CDKL5: variants seen among roughly 807,000 people sequenced by gnomAD.
The protein encoded by CDKL5 is cyclin dependent kinase like 5.
CDKL5 carries 8 observed loss-of-function variants against 61.7 expected under a neutral mutation model. The observed-to-expected ratio is 0.13, with a 90% CI of 0.08 to 0.23. The LOEUF (loss-of-function observed/expected upper bound fraction) is 0.23. CDKL5 is among the 10% of genes least tolerant of loss of function. The pLI is 1.00. For synonymous variants in CDKL5, 275 were observed against 272.3 expected (o/e 1.01, Z -0.10); for missense variants, 440 against 734.5 (o/e 0.60, Z 4.63).
intron 1 of CDKL5, among the ~76,000 whole-genome samples, chrX:18,430,388 G>GT (rs1219116518): frequency 1.8e-5 from 2 of 112,091 alleles, no homozygotes; most frequent in Non-Finnish European, 3.8e-5. Context: ...CACCTCTTGT[G>GT]TAATTATGAC....
chrX:18,450,737 G>A (rs761419558), intron 1 of CDKL5, among the ~76,000 whole-genome samples: 47 of 111,132 alleles, frequency 4.2e-4, no homozygotes, highest in African/African-American at 1.5e-3. Flanking sequence ...ACCACGCCCG[G>A]TGTTTTCTTG....
intron 1 of CDKL5, among the ~76,000 whole-genome samples, chrX:18,483,815 TTA>T (rs1921683147): frequency 8.9e-6 from 1 of 112,093 alleles, no homozygotes; most frequent in Admixed American, 9.5e-5. Flanking sequence ...AAAAAAATTT[TTA>T]TGTTAGCCTA....
At chrX:18,579,258 A>T (rs960381135) in intron 5 of CDKL5, among the ~76,000 whole-genome samples, 22 of 112,123 alleles carry the variant, frequency 2.0e-4, no homozygotes, top group Non-Finnish European at 4.1e-4. Context: ...CATGAATTTT[A>T]GTTATAATGG....
At chrX:18,582,503 G>T (rs1289880753) in intron 7 of CDKL5, among the ~76,000 whole-genome samples, 1 of 111,232 alleles carries the variant, frequency 9.0e-6, no homozygotes, top group Non-Finnish European at 1.9e-5. Flanking sequence ...AGATAACTCT[G>T]TATTAAGCTC....
chrX:18,562,799 G>T (rs1924846947), intron 3 of CDKL5, among the ~76,000 whole-genome samples: 1 of 111,336 alleles, frequency 9.0e-6, no homozygotes, highest in Non-Finnish European at 1.9e-5. Context: ...TGAGGAGAGA[G>T]GATTTTCATG....
rs771015291 is a variant in CDKL5, at chrX:18,572,139, G to A, written c.146-3215G>A. Among the ~76,000 whole-genome samples the A allele has an allele frequency of 4.8e-4, 54 of 111,787 alleles. 1 individual carries two copies. Among genetic ancestry groups the A allele is most frequent in the African/African-American group, 1.6e-3 (49 of 30,821 alleles). ...TTGAAAAAGGCAATAGGATTTTTGG[G>A]AGATGGAGGCATTTATTTGTTTCTT... is the stretch of plus-strand genomic sequence containing the variant. On this transcript the variant is annotated intron_variant, in intron 4 of 17. Coordinates refer to ENST00000623535, the MANE Select transcript of CDKL5 (RefSeq NM_001323289.2).
intron 1 of CDKL5, among the ~76,000 whole-genome samples, chrX:18,435,013 T>C (rs1211292558): frequency 8.9e-6 from 1 of 112,058 alleles, no homozygotes; most frequent in Non-Finnish European, 1.9e-5. Context: ...AAAGTAAACA[T>C]ATACAGTCTC....
intron 1 of CDKL5, among the ~76,000 whole-genome samples, chrX:18,443,413 A>G (rs1931799327): frequency 8.9e-6 from 1 of 111,756 alleles, no homozygotes; most frequent in African/African-American, 3.3e-5. Flanking sequence ...AACACATGTC[A>G]CAGGGGTTTG....
intron 15 of CDKL5, among the ~76,000 whole-genome samples, chrX:18,614,797 T>C (rs1173347405): frequency 8.9e-6 from 1 of 112,415 alleles, no homozygotes; most frequent in African/African-American, 3.2e-5. Context: ...CTTTGATAAG[T>C]CATGACAAAA....
At chrX:18,577,032 G>A (rs1047052317) in intron 5 of CDKL5, among the ~76,000 whole-genome samples, 2 of 110,412 alleles carry the variant, frequency 1.8e-5, no homozygotes, top group African/African-American at 6.6e-5. Flanking sequence ...GAGTCGCTAG[G>A]ACTACAGGTG....
intron 1 of CDKL5, among the ~76,000 whole-genome samples, chrX:18,431,423 CTTTTTTT>C (rs1177063856): frequency 1.5e-4 from 14 of 95,511 alleles, no homozygotes; most frequent in Non-Finnish European, 2.8e-4. Flanking sequence ...GATTTCTTTT[CTTTTTTT>C]TTTTTTTTTG....
At chrX:18,530,360 A>C (rs1266028346) in intron 3 of CDKL5, among the ~76,000 whole-genome samples, 4 of 109,949 alleles carry the variant, frequency 3.6e-5, no homozygotes, top group Non-Finnish European at 7.6e-5. Context: ...AAAGAAAAAA[A>C]ATTTCTTTTT....
At chrX:18,600,497 C>G (rs1051080406) in intron 11 of CDKL5, among the ~76,000 whole-genome samples, 1 of 111,606 alleles carries the variant, frequency 9.0e-6, no homozygotes, top group Non-Finnish European at 1.9e-5. Context: ...TAGTTTACAC[C>G]GAAAAATTAT....
chrX:18,642,976 C>T (rs921218889), downstream of CDKL5, among the ~76,000 whole-genome samples: 7 of 111,075 alleles, frequency 6.3e-5, no homozygotes, highest in Non-Finnish European at 1.1e-4. Flanking sequence ...ACCCGGGAGG[C>T]GGAGGTTACA....
intron 3 of CDKL5, among the ~76,000 whole-genome samples, chrX:18,529,066 A>G (rs988211816): frequency 1.0e-4 from 11 of 105,510 alleles, no homozygotes; most frequent in Admixed American, 2.0e-4. Context: ...CTGATTTTCT[A>G]TTTGTTGTAC....
chrX:18,634,412 T>G lies in CDKL5; in HGVS notation c.*5655T>G. The G allele has an allele frequency of 1.3e-6, 1 of 753,922 alleles. No individual in the cohort carries two copies. Among genetic ancestry groups the G allele is most frequent in the Non-Finnish European group, 1.6e-6 (1 of 638,836 alleles). 62.1% of individuals were successfully genotyped at this position (753,922 alleles called of 1,213,427 possible). A position where few individuals can be genotyped will look rare whatever the true frequency, so the allele number is the denominator to read the frequency against. ...GATGCCTTGACTTTTGTCCCTGTTG[T>G]GGGGACTAAAGTGTTTTTTGCCAGA... On this transcript the variant is annotated 3_prime_UTR_variant, in exon 18 of 18. Transcript: ENST00000623535.
downstream of CDKL5, chrX:18,644,674 G>C (rs1254139033): frequency 9.5e-6 from 11 of 1,155,700 alleles, no homozygotes; most frequent in Non-Finnish European, 1.3e-5. Context: ...GTGCATGTCT[G>C]CAAAAAGCCC....
intron 1 of CDKL5, among the ~76,000 whole-genome samples, chrX:18,498,880 G>C (rs939160818): frequency 1.1e-4 from 12 of 111,173 alleles, no homozygotes; most frequent in African/African-American, 3.9e-4. Context: ...TGTGATTCTC[G>C]TGCCTCAGCC....
intron 1 of CDKL5, among the ~76,000 whole-genome samples, chrX:18,440,565 C>T (rs936644668): frequency 9.0e-6 from 1 of 111,669 alleles, no homozygotes; most frequent in African/African-American, 3.3e-5. Context: ...CCTCTGCCTC[C>T]CGGGTTCAAG....
Sources: allele counts gnomAD v4.1 joint callset (sites outside exome capture counted in the v4.1 genomes callset), GRCh38; gene constraint gnomAD v4.1.1; transcripts MANE v1.5; gene names NCBI Gene and HGNC (gene_info 2026-07-23, HGNC 2026-07-21).